The following HECTD4 variants were observed in gnomAD, a reference collection of about 807,000 sequenced individuals.
HECTD4 encodes the protein probable E3 ubiquitin-protein ligase HECTD4.
A neutral mutation model predicts 471.5 loss-of-function variants in HECTD4; 114 were observed. The observed-to-expected ratio is 0.24, with a 90% CI of 0.21 to 0.28. The LOEUF (loss-of-function observed/expected upper bound fraction) is 0.28, where lower values mean the gene tolerates loss of function less well. Among genes scored for constraint, HECTD4 ranks in the 10% least tolerant of loss-of-function variants. The probability of loss-of-function intolerance (pLI) is 1.00; values close to 1 mark genes in which losing one functional copy is unlikely to be tolerated. For missense variants in HECTD4, 3,866 were observed against 5,651.5 expected (o/e 0.68, Z 10.13); for synonymous variants, 2,012 against 2,256.0 (o/e 0.89, Z 3.07).
intron 51 of HECTD4, 119 bp from the exon 52 acceptor site, chr12:112,208,119 A>T: frequency 8.4e-7 from 1 of 1,188,050 alleles, no homozygotes; most frequent in South Asian, 1.6e-5. Flanking sequence ...AGTAATAGAA[A>T]GATCAGACAT....
intron 21 of HECTD4, among the ~76,000 whole-genome samples, chr12:112,255,322 G>T (rs965909017): frequency 1.3e-5 from 2 of 152,146 alleles, no homozygotes; most frequent in African/African-American, 2.4e-5. Flanking sequence ...TTTCTGAAAG[G>T]CCTACTAAAG....
chr12:112,251,970 CCA>C (rs1399745787), intron 23 of HECTD4, among the ~76,000 whole-genome samples: 4 of 152,132 alleles, frequency 2.6e-5, no homozygotes, highest in Admixed American at 1.3e-4. Flanking sequence ...CGGGGTTTCA[CCA>C]AGTTGGCCAG....
At chr12:112,182,902 CT>C (rs1270348664) in intron 62 of HECTD4, among the ~76,000 whole-genome samples, 156 bp downstream of exon 62, 4 of 152,246 alleles carry the variant, frequency 2.6e-5, no homozygotes, top group Non-Finnish European at 5.9e-5. Flanking sequence ...TTTTCAAAAT[CT>C]GCAACCCAGG....
At chr12:112,288,582 T>C (rs2034808131) in intron 7 of HECTD4, among the ~76,000 whole-genome samples, 1 of 152,072 alleles carries the variant, frequency 6.6e-6, no homozygotes, top group South Asian at 2.1e-4. Context: ...GCAGAGATAG[T>C]AGCACCACTA....
rs1272554014 is a variant in HECTD4, at chr12:112,173,293, C to T, written c.11595-432G>A. Among the ~76,000 whole-genome samples, 2 of 152,138 alleles carry T rather than the reference C, an allele frequency of 1.3e-5. No individual in the cohort carries two copies. The highest frequency in any genetic ancestry group is 2.4e-5 in the African/African-American group (1 of 41,428). Reference sequence around the variant, plus strand: ...GCAGCCTTGAACTCCTGGACTCAAGCGATCCTCCCACCTCAGCCTCCCCAG... The same window carrying T: ...GCAGCCTTGAACTCCTGGACTCAAGTGATCCTCCCACCTCAGCCTCCCCAG... On this transcript the variant is annotated intron_variant, in intron 66 of 75. Transcript: ENST00000682272. The surrounding 1 kb of genome is among the most constrained non-coding windows in gnomAD (Gnocchi z 4.3).
At chr12:112,251,807 C>G (rs1322443082) in intron 23 of HECTD4, among the ~76,000 whole-genome samples, 2 of 152,238 alleles carry the variant, frequency 1.3e-5, no homozygotes, top group Non-Finnish European at 2.9e-5. Flanking sequence ...GAGTCTCACT[C>G]TATCACCCAG....
intron 37 of HECTD4, 54 bp from the exon 38 acceptor site, chr12:112,233,139 G>T: frequency 6.8e-7 from 1 of 1,463,142 alleles, no homozygotes. Context: ...TGCCAAAAGT[G>T]GGCTGCATGC....
intron 1 of HECTD4, among the ~76,000 whole-genome samples, chr12:112,355,287 C>CA (rs1310033896): frequency 0.92 from 102,625 of 111,192 alleles, 47,596 homozygotes; most frequent in East Asian, 0.95. Flanking sequence ...AAATGGGATT[C>CA]AAAAAAAAAA....
intron 29 of HECTD4, 72 bp from the exon 30 acceptor site, chr12:112,244,081 C>T: frequency 9.5e-6 from 14 of 1,475,304 alleles, no homozygotes; most frequent in Non-Finnish European, 1.2e-5. Context: ...CACAGAACTA[C>T]CCAACAGTCT....
At position 112,370,781 on chromosome 12, in the gene HECTD4, G is replaced by GT. The variant is rs572650483; in HGVS notation, c.177+11170dup. Reference sequence around the variant, plus strand: ...AGAATGTATTCATGTACTACTCATAGTTTTTTTTTTAATTAATAGATACAT... The same window carrying GT: ...AGAATGTATTCATGTACTACTCATAGTTTTTTTTTTTAATTAATAGATACAT... On this transcript the variant is annotated intron_variant, in intron 1 of 75. Coordinates refer to ENST00000682272, the MANE Select transcript of HECTD4 (RefSeq NM_001388303.1). Among the ~76,000 whole-genome samples, 93 of 149,560 alleles carry GT rather than the reference G, an allele frequency of 6.2e-4. 1 individual carries two copies. Among genetic ancestry groups the GT allele is most frequent in the African/African-American group, 1.0e-3 (41 of 40,892 alleles).
chr12:112,254,151 A>G lies in HECTD4; in HGVS notation c.3339T>C (p.Tyr1113=), dbSNP rs1463886996. ...SQYDYDKLVI[Y]AGPNTNSRKV... ...TCCTACTGTTTGTGTTAGGCCCCGC[A>G]TATATCACCAACTTCAAAACAGAAA... The change falls in exon 22 of 76, where the codon TAT becomes TAC. Residue 1113 remains tyrosine, a synonymous_variant. Transcript: ENST00000682272. 6.2e-7 allele frequency: 1 copy of G among 1,613,856 alleles called. No individual in the cohort carries two copies. Among genetic ancestry groups the G allele is most frequent in the South Asian group, 1.1e-5 (1 of 91,090 alleles).
chr12:112,170,595 G>C, intron 68 of HECTD4, 143 bp from the exon 69 acceptor site: 1 of 1,026,634 alleles, frequency 9.7e-7, no homozygotes, highest in Non-Finnish European at 1.4e-6. Flanking sequence ...GTGGAGGGTG[G>C]TGTGTCAGCA....
intron 1 of HECTD4, among the ~76,000 whole-genome samples, chr12:112,378,500 A>T (rs1191804516): frequency 1.3e-5 from 2 of 152,038 alleles, no homozygotes; most frequent in African/African-American, 4.8e-5. Context: ...CTGGGATTAC[A>T]GGCATGAGCC....
At chr12:112,281,226 G>A (rs1474494755) in intron 8 of HECTD4, among the ~76,000 whole-genome samples, 2 of 151,674 alleles carry the variant, frequency 1.3e-5, no homozygotes, top group African/African-American at 2.4e-5. Flanking sequence ...TTAAGCCCAG[G>A]AGTTTGAGAC....
intron 44 of HECTD4, among the ~76,000 whole-genome samples, chr12:112,220,874 G>T (rs1383466315): frequency 6.6e-6 from 1 of 152,124 alleles, no homozygotes; most frequent in East Asian, 1.9e-4. Context: ...CAGCACTTCG[G>T]GAGGCTGAGG....
rs897729524 is a variant in HECTD4 at position 112,173,125 on chromosome 12, T to C, written c.11595-264A>G. ...TGCACCCACCCATGCCTCACTCCTG[T>C]GTGTCGGCAGCAGCACGTGAGGGTG... On this transcript the variant is annotated intron_variant, in intron 66 of 75. Coordinates refer to ENST00000682272, the MANE Select transcript of HECTD4 (RefSeq NM_001388303.1). This position sits in a 1 kb window ranked among gnomAD's most constrained non-coding sequence, Gnocchi z 4.3. 2.6e-5 allele frequency among the ~76,000 whole-genome samples: 4 copies of C among 152,174 alleles called. No homozygotes were observed. The highest frequency in any genetic ancestry group is 9.7e-5 in the African/African-American group (4 of 41,430).
intron 45 of HECTD4, among the ~76,000 whole-genome samples, chr12:112,218,518 T>C (rs1169429340): frequency 6.6e-6 from 1 of 152,224 alleles, no homozygotes; most frequent in African/African-American, 2.4e-5. Flanking sequence ...ATGTGGTCTT[T>C]TGTGTCTGGC....
rs1372258247 is a variant in HECTD4 at position 112,164,211 on chromosome 12, T to C, written c.12599A>G (p.Glu4200Gly). The change falls in exon 73 of 76, where the codon GAG (glutamate) becomes GGG (glycine). Residue 4200 changes from glutamate to glycine, a missense_variant. Physicochemically the swap from Glu to Gly is moderately conservative, Grantham distance 98. This residue lies in a region of HECTD4 where 715 missense variants were observed against 1,087.6 expected (regional missense o/e 0.66). Coordinates refer to ENST00000682272, the MANE Select transcript of HECTD4 (RefSeq NM_001388303.1). ...GGGCTTGTTGGGGCTGTCAGGGCTC[T>C]CCGTGGCCAGGTGCTGGGAGGCGAT... ...AEIASQHLAT[E>G]SPDSPNKPCC... 2 of 1,613,804 alleles carry C rather than the reference T, an allele frequency of 1.2e-6. No individual in the cohort carries two copies. The highest frequency in any genetic ancestry group is 2.2e-5 in the East Asian group (1 of 44,880).
At chr12:112,367,952 C>A (rs1189835827) in intron 1 of HECTD4, among the ~76,000 whole-genome samples, 1 of 149,098 alleles carries the variant, frequency 6.7e-6, no homozygotes, top group African/African-American at 2.5e-5. Flanking sequence ...ATAACACAAA[C>A]TACAGAGCAC....
Sources: allele counts gnomAD v4.1 joint callset (sites outside exome capture counted in the v4.1 genomes callset), GRCh38; gene constraint gnomAD v4.1.1; regional missense constraint gnomAD v4.1.1; non-coding constraint Gnocchi (gnomAD v3.1); transcripts MANE v1.5; gene names NCBI Gene and HGNC (gene_info 2026-07-23, HGNC 2026-07-21).